Variants in RDH12 observed in about 807,000 individuals in gnomAD.
The protein encoded by RDH12 is retinol dehydrogenase 12.
A neutral mutation model predicts 34.0 loss-of-function variants in RDH12; 21 were observed. That is an observed-to-expected ratio of 0.62 (90% CI 0.44 to 0.89). The LOEUF is 0.89. Ranked by LOEUF, RDH12 falls within the 40% of genes least tolerant of loss-of-function variation. RDH12 has a pLI of 0.00. For synonymous variants in RDH12, 198 were observed against 169.9 expected, an observed-to-expected ratio of 1.17 and a Z score of -1.29; for missense variants, 394 against 398.6, an observed-to-expected ratio of 0.99 and a Z score of 0.10.
chr14:67,730,116 A>C (rs2038250434), intron 8 of RDH12, among the ~76,000 whole-genome samples: 1 of 152,254 alleles, frequency 6.6e-6, no homozygotes, highest in Admixed American at 6.5e-5. Flanking sequence ...CTGAGTGTGT[A>C]ATGTGTATTA....
chr14:67,715,214 T>TA (rs140951303), intron 1 of RDH12: 9,803 of 149,508 alleles, frequency 0.066, 412 homozygotes, highest in East Asian at 0.11. Context: ...TAATAGCCGT[T>TA]AAAAAATAAA....
intron 1 of RDH12, among the ~76,000 whole-genome samples, chr14:67,706,593 T>C (rs1200412666): frequency 6.6e-5 from 10 of 152,160 alleles, no homozygotes; most frequent in Non-Finnish European, 1.3e-4. Flanking sequence ...TTCTTTTGAG[T>C]TTCTGTTTAG....
At position 67,729,281 on chromosome 14, in the gene RDH12, T is replaced by C. The variant is rs1318963464; in HGVS notation, c.749T>C (p.Leu250Pro). 3 of 1,605,644 alleles carry C rather than the reference T, an allele frequency of 1.9e-6. No homozygotes were observed. The highest frequency in any genetic ancestry group is 1.7e-5 in the Admixed American group (1 of 60,000). The part of the protein sequence containing the change: ...HSSLLCLLWR[L>P]FSPFVKTARE... The stretch of plus-strand genomic sequence containing the variant: ...TCCCTGCTCTGCCTGCTCTGGCGGC[T>C]CTTCTCCCCCTTTGTCAAGACGGCA... The change falls in exon 8 of 9, where the codon CTC becomes CCC. Residue 250 changes from leucine to proline, a missense_variant. Coordinates refer to ENST00000551171, the MANE Select transcript of RDH12 (RefSeq NM_152443.3).
intron 8 of RDH12, among the ~76,000 whole-genome samples, chr14:67,733,206 C>T (rs2038308730): frequency 6.6e-6 from 1 of 152,066 alleles, no homozygotes; most frequent in Admixed American, 6.5e-5. Flanking sequence ...CCTCAGGGCC[C>T]CTGCTCATTC....
At chr14:67,704,760 A>C (rs754603601) in intron 1 of RDH12, among the ~76,000 whole-genome samples, 10 of 152,214 alleles carry the variant, frequency 6.6e-5, no homozygotes, top group Non-Finnish European at 1.0e-4. Flanking sequence ...AGTATTTAAC[A>C]AAAGCCCTTA....
At chr14:67,706,863 C>T (rs1303421518) in intron 1 of RDH12, among the ~76,000 whole-genome samples, 1 of 152,106 alleles carries the variant, frequency 6.6e-6, no homozygotes, top group Admixed American at 6.5e-5. Context: ...ATGGTTCGTT[C>T]CTAGACAGGT....
At chr14:67,732,269 C>A (rs2038288918) in intron 8 of RDH12, among the ~76,000 whole-genome samples, 1 of 151,656 alleles carries the variant, frequency 6.6e-6, no homozygotes, top group South Asian at 2.1e-4. Flanking sequence ...AGACCCCCAT[C>A]TCTACTAAAA....
chr14:67,717,104 A>G (rs2038077301), intron 1 of RDH12, among the ~76,000 whole-genome samples: 2 of 152,244 alleles, frequency 1.3e-5, no homozygotes, highest in South Asian at 4.2e-4. Flanking sequence ...ATGTATATAT[A>G]TCATTCATTA....
chr14:67,733,155 G>C (rs1197105459), intron 8 of RDH12, among the ~76,000 whole-genome samples: 1 of 152,028 alleles, frequency 6.6e-6, no homozygotes, highest in East Asian at 1.9e-4. Context: ...AAAAAAACAT[G>C]ATGAGAACTG....
chr14:67,727,345 C>A, intron 7 of RDH12, 155 bp downstream of exon 7: 1 of 714,612 alleles, frequency 1.4e-6, no homozygotes, highest in Admixed American at 2.1e-5. Flanking sequence ...AAACAGAGTG[C>A]TTGCCCCCAG....
chr14:67,710,011 T>C (rs1242478130), intron 1 of RDH12, among the ~76,000 whole-genome samples: 1 of 152,206 alleles, frequency 6.6e-6, no homozygotes, highest in Non-Finnish European at 1.5e-5. Context: ...AATGTAACCG[T>C]TTGTTTACTA....
At chr14:67,724,660 C>A in intron 4 of RDH12, 69 bp downstream of exon 4, 1 of 1,178,258 alleles carries the variant, frequency 8.5e-7, no homozygotes, top group Non-Finnish European at 1.3e-6. Flanking sequence ...GGCCTCTGTC[C>A]ATATTGCTTT....
intron 1 of RDH12, among the ~76,000 whole-genome samples, chr14:67,716,920 A>G (rs956880904): frequency 6.6e-5 from 10 of 151,990 alleles, no homozygotes; most frequent in Non-Finnish European, 1.3e-4. Flanking sequence ...AAATATCCAT[A>G]TATCCATAAC....
intron 4 of RDH12, 71 bp downstream of exon 4, chr14:67,724,662 T>C: frequency 8.6e-7 from 1 of 1,164,470 alleles, no homozygotes. Context: ...CCTCTGTCCA[T>C]ATTGCTTTGT....
At chr14:67,712,475 C>A (rs1174623024) in intron 1 of RDH12, among the ~76,000 whole-genome samples, 17 of 66,624 alleles carry the variant, frequency 2.6e-4, no homozygotes, top group Non-Finnish European at 4.9e-4. Context: ...ATTCAGTCAA[C>A]TGAGAAGAAA....
At chr14:67,732,183 T>A (rs2038287505) in intron 8 of RDH12, among the ~76,000 whole-genome samples, 1 of 148,592 alleles carries the variant, frequency 6.7e-6, no homozygotes, top group South Asian at 2.1e-4. Context: ...ATGCCTGTAG[T>A]CCCAGTACTT....
At chr14:67,716,831 C>T (rs2038074148) in intron 1 of RDH12, among the ~76,000 whole-genome samples, 1 of 151,514 alleles carries the variant, frequency 6.6e-6, no homozygotes, top group Admixed American at 6.6e-5. Context: ...TTGCAGTGAG[C>T]CGCTATCACA....
rs1197816184 is a variant in RDH12 at position 67,733,840 on chromosome 14, T to A, written c.943T>A (p.Trp315Arg). 1 of 1,610,912 alleles carries A rather than the reference T, an allele frequency of 6.2e-7. No homozygotes were observed. The highest frequency in any genetic ancestry group is 2.2e-5 in the East Asian group (1 of 44,784). Residue 315 changes from tryptophan to arginine, a missense_variant, in exon 9 of 9, where the codon TGG becomes AGG. Coordinates refer to ENST00000551171, the MANE Select transcript of RDH12 (RefSeq NM_152443.3). ...NVSCELLGIRWE is the reference protein window; with the variant it reads ...NVSCELLGIRRE ...CAGCTGTGAGCTTCTAGGAATCCGG[T>A]GGGAGTAGCTGGTGGAAGAGCTGCA...
intron 1 of RDH12, among the ~76,000 whole-genome samples, chr14:67,709,411 T>C (rs866642322): frequency 1.9e-4 from 29 of 152,352 alleles, no homozygotes; most frequent in Middle Eastern, 3.4e-3. Flanking sequence ...CCATAAGATA[T>C]AACTTTCATA....
Sources: gnomAD v4.1 joint callset for allele counts (sites outside exome capture counted in the v4.1 genomes callset) on GRCh38, gnomAD v4.1.1 for gene constraint, MANE v1.5 for transcripts, NCBI Gene and HGNC (gene_info 2026-07-23, HGNC 2026-07-21) for gene names.